PLCB1: variants seen among roughly 807,000 people sequenced by gnomAD.
PLCB1 encodes phospholipase C beta 1.
In PLCB1, 46 loss-of-function variants were observed where a neutral mutation model predicts 161.8. The ratio of observed to expected loss-of-function variants is 0.28; its 90% CI spans 0.22 to 0.36. The LOEUF (loss-of-function observed/expected upper bound fraction) is 0.36, where lower values mean the gene tolerates loss of function less well. Ranked by LOEUF, PLCB1 falls within the 10% of genes least tolerant of loss-of-function variation. The pLI, the probability that PLCB1 is intolerant of heterozygous loss-of-function variation, is 1.00. For missense variants in PLCB1, 1,016 were observed against 1,472.5 expected, an observed-to-expected ratio of 0.69 and a Z score of 5.07; for synonymous variants, 517 against 503.7, an observed-to-expected ratio of 1.03 and a Z score of -0.35.
intron 5 of PLCB1, 73 bp from the exon 6 acceptor site, chr20:8,647,827 G>A: frequency 8.7e-7 from 1 of 1,144,176 alleles, no homozygotes; most frequent in Non-Finnish European, 1.3e-6. Flanking sequence ...GCTTTTTTGA[G>A]TGTATTTTAT....
chr20:8,857,348 T>TAAAA (rs546745056), intron 31 of PLCB1, among the ~76,000 whole-genome samples: 91 of 152,324 alleles, frequency 6.0e-4, no homozygotes, highest in Admixed American at 1.7e-3. Flanking sequence ...ATGAAAAAAA[T>TAAAA]TTAAATAAAG....
chr20:8,656,979 C>T (rs139421601), intron 7 of PLCB1, among the ~76,000 whole-genome samples: 35 of 151,806 alleles, frequency 2.3e-4, no homozygotes, highest in Middle Eastern at 3.4e-3. Context: ...TCCAAATGAA[C>T]GCTACGGTTG....
intron 9 of PLCB1, among the ~76,000 whole-genome samples, chr20:8,660,411 T>C (rs1989589963): frequency 6.6e-6 from 1 of 152,118 alleles, no homozygotes; most frequent in Admixed American, 6.6e-5. Context: ...CAACAACACT[T>C]CTAAAAATCA....
chr20:8,672,001 C>A (rs145238395), intron 9 of PLCB1, among the ~76,000 whole-genome samples: 22 of 152,302 alleles, frequency 1.4e-4, no homozygotes, highest in Admixed American at 1.4e-3. Flanking sequence ...ATAGTAGCTC[C>A]CATTATTATG....
chr20:8,501,943 A>G (rs1983439562), intron 3 of PLCB1, among the ~76,000 whole-genome samples: 2 of 126,890 alleles, frequency 1.6e-5, no homozygotes, highest in African/African-American at 3.0e-5. Context: ...TATTATCCCT[A>G]TGTTTTATTT....
intron 3 of PLCB1, among the ~76,000 whole-genome samples, chr20:8,579,930 T>C (rs1284623466): frequency 6.6e-6 from 1 of 152,144 alleles, no homozygotes; most frequent in East Asian, 1.9e-4. Context: ...GGCAAGGTAA[T>C]GTAAGGCAGG....
intron 2 of PLCB1, among the ~76,000 whole-genome samples, chr20:8,291,066 A>G (rs1983361238): frequency 6.6e-6 from 1 of 151,996 alleles, no homozygotes; most frequent in East Asian, 1.9e-4. Context: ...GAAATGAGAA[A>G]AGAAATGCCC....
At chr20:8,827,975 G>C (rs1985790409) in intron 31 of PLCB1, among the ~76,000 whole-genome samples, 1 of 152,178 alleles carries the variant, frequency 6.6e-6, no homozygotes, top group African/African-American at 2.4e-5. Flanking sequence ...GTACTCCCTG[G>C]CTCTTTAAGA....
chr20:8,635,200 G>C (rs1444829409), intron 4 of PLCB1, among the ~76,000 whole-genome samples: 1 of 152,044 alleles, frequency 6.6e-6, no homozygotes, highest in African/African-American at 2.4e-5. Context: ...AGTCTGTTTT[G>C]TGTTCCCAGG....
chr20:8,385,503 A>G (rs1245858758), intron 3 of PLCB1, among the ~76,000 whole-genome samples: 1 of 152,220 alleles, frequency 6.6e-6, no homozygotes, highest in African/African-American at 2.4e-5. Context: ...CAAGGAGTTC[A>G]AATGGCTTAG....
intron 31 of PLCB1, among the ~76,000 whole-genome samples, chr20:8,805,197 G>C (rs938439220): frequency 6.6e-6 from 1 of 152,080 alleles, no homozygotes; most frequent in Non-Finnish European, 1.5e-5. Context: ...CTTGTTATCA[G>C]CTAGACCTTA....
chr20:8,835,629 C>T (rs1986250407), intron 31 of PLCB1, among the ~76,000 whole-genome samples: 1 of 152,004 alleles, frequency 6.6e-6, no homozygotes, highest in South Asian at 2.1e-4. Flanking sequence ...TTGAGTAGGG[C>T]TGTCTGTCTA....
chr20:8,332,550 A>G (rs918224826), intron 2 of PLCB1, among the ~76,000 whole-genome samples: 1 of 152,358 alleles, frequency 6.6e-6, no homozygotes, highest in African/African-American at 2.4e-5. Flanking sequence ...TGACCACTCT[A>G]TAGTGTGGTA....
At chr20:8,724,796 A>G (rs1195740913) in intron 16 of PLCB1, 44 bp downstream of exon 16, 2 of 1,041,990 alleles carry the variant, frequency 1.9e-6, no homozygotes, top group Admixed American at 3.7e-5. Context: ...GCATATAATG[A>G]TTATATTTTA....
chr20:8,361,469 G>C (rs977264442), intron 2 of PLCB1, among the ~76,000 whole-genome samples: 1 of 152,194 alleles, frequency 6.6e-6, no homozygotes, highest in East Asian at 1.9e-4. Context: ...GAATCACCCA[G>C]CACAGATTGT....
intron 2 of PLCB1, among the ~76,000 whole-genome samples, chr20:8,218,957 T>A (rs564456628): frequency 6.6e-6 from 1 of 152,184 alleles, no homozygotes; most frequent in Non-Finnish European, 1.5e-5. Context: ...CAGAGTTTTA[T>A]TCTACACTGG....
chr20:8,297,412 T>C (rs1983688041), intron 2 of PLCB1, among the ~76,000 whole-genome samples: 1 of 152,152 alleles, frequency 6.6e-6, no homozygotes, highest in Admixed American at 6.6e-5. Flanking sequence ...AGTAATAATG[T>C]TCAATATCTG....
intron 31 of PLCB1, among the ~76,000 whole-genome samples, chr20:8,810,259 G>A (rs1208516015): frequency 1.3e-5 from 2 of 152,024 alleles, no homozygotes; most frequent in Non-Finnish European, 2.9e-5. Flanking sequence ...TCAAGGCTCC[G>A]GAAGTTAAAG....
chr20:8,777,776 A>G (rs1033281175), intron 27 of PLCB1, among the ~76,000 whole-genome samples: 2 of 152,028 alleles, frequency 1.3e-5, no homozygotes, highest in Non-Finnish European at 2.9e-5. Context: ...CATGCTTCTA[A>G]TAAAGACATA....
Sources: allele counts gnomAD v4.1 joint callset (sites outside exome capture counted in the v4.1 genomes callset), GRCh38; gene constraint gnomAD v4.1.1; transcripts MANE v1.5; gene names NCBI Gene and HGNC (gene_info 2026-07-23, HGNC 2026-07-21).